SLC9A9: variants seen among roughly 807,000 people sequenced by gnomAD.
SLC9A9 encodes solute carrier family 9 member A9, also known as sodium/hydrogen exchanger 9.
Under a neutral mutation model 77.8 loss-of-function variants are expected in SLC9A9, and 62 were observed. The ratio of observed to expected loss-of-function variants is 0.80; its 90% CI spans 0.65 to 0.98. The LOEUF (loss-of-function observed/expected upper bound fraction) is 0.98. SLC9A9 is among the 50% of genes least tolerant of loss of function. SLC9A9 has a pLI of 0.00. For missense variants in SLC9A9, 775 were observed against 774.9 expected (o/e 1.00, Z 0.00); for synonymous variants, 320 against 283.5 (o/e 1.13, Z -1.29).
intron 4 of SLC9A9, among the ~76,000 whole-genome samples, chr3:143,710,166 A>T (rs1306967927): frequency 6.6e-6 from 1 of 152,216 alleles, no homozygotes; most frequent in Non-Finnish European, 1.5e-5. Context: ...GCATGTGTAT[A>T]AACACAAACA....
At chr3:143,412,494 G>A (rs760835639) in intron 12 of SLC9A9, among the ~76,000 whole-genome samples, 1 of 152,034 alleles carries the variant, frequency 6.6e-6, no homozygotes. Flanking sequence ...CTCCTTCTCC[G>A]GTGTTTGCCA....
chr3:143,516,403 A>G (rs902305886), intron 9 of SLC9A9, among the ~76,000 whole-genome samples: 1 of 151,080 alleles, frequency 6.6e-6, no homozygotes, highest in Non-Finnish European at 1.5e-5. Context: ...TTTGTTCTGT[A>G]TGTTCTTTTT....
rs978963851 is a variant in SLC9A9, at chr3:143,629,260, A to C, written c.755+22995T>G. ...GTCTGAGGTCCAAACTACTGACTCA[A>C]CAAGTACATACTGAGTATCTACTAG... On this transcript the variant is annotated intron_variant, in intron 6 of 15. Coordinates refer to ENST00000316549, the MANE Select transcript of SLC9A9 (RefSeq NM_173653.4). 7.9e-5 allele frequency among the ~76,000 whole-genome samples: 12 copies of C among 152,344 alleles called. No individual in the cohort carries two copies. In the South Asian group the frequency reaches 2.5e-3, roughly 32 times the overall value.
At chr3:143,364,489 T>C (rs2032841832) in intron 13 of SLC9A9, among the ~76,000 whole-genome samples, 1 of 152,184 alleles carries the variant, frequency 6.6e-6, no homozygotes, top group East Asian at 1.9e-4. Context: ...CTTCTGAGGA[T>C]GTAATGACCC....
intron 6 of SLC9A9, among the ~76,000 whole-genome samples, chr3:143,645,488 C>T (rs2038689934): frequency 6.6e-6 from 1 of 152,170 alleles, no homozygotes; most frequent in Admixed American, 6.5e-5. Context: ...CAACACTTGG[C>T]ATAATGTCTG....
At chr3:143,562,566 G>T (rs1160189783) in intron 8 of SLC9A9, among the ~76,000 whole-genome samples, 1 of 151,644 alleles carries the variant, frequency 6.6e-6, no homozygotes, top group Non-Finnish European at 1.5e-5. Context: ...ATGCTTAATT[G>T]TCAAACTATT....
At chr3:143,835,173 T>A (rs1417659432) in intron 1 of SLC9A9, among the ~76,000 whole-genome samples, 1 of 152,222 alleles carries the variant, frequency 6.6e-6, no homozygotes, top group East Asian at 1.9e-4. Flanking sequence ...CTGACAGCTG[T>A]CCTGGCATCC....
chr3:143,672,613 T>C (rs1040164969), intron 5 of SLC9A9, among the ~76,000 whole-genome samples: 11 of 152,194 alleles, frequency 7.2e-5, no homozygotes, highest in African/African-American at 2.7e-4. Flanking sequence ...TCTCCAAAAA[T>C]AACAGTCCTG....
intron 6 of SLC9A9, among the ~76,000 whole-genome samples, chr3:143,592,707 A>G (rs2037672373): frequency 6.6e-6 from 1 of 152,148 alleles, no homozygotes; most frequent in Non-Finnish European, 1.5e-5. Context: ...CTTTCTATTC[A>G]TGATGTAAAT....
intron 4 of SLC9A9, among the ~76,000 whole-genome samples, chr3:143,775,018 G>A (rs1024009694): frequency 6.6e-6 from 1 of 152,144 alleles, no homozygotes; most frequent in Non-Finnish European, 1.5e-5. Context: ...TCCCACTGCT[G>A]ATTTTTGTAA....
At chr3:143,789,918 C>A (rs2008166482) in intron 4 of SLC9A9, among the ~76,000 whole-genome samples, 1 of 152,108 alleles carries the variant, frequency 6.6e-6, no homozygotes, top group South Asian at 2.1e-4. Flanking sequence ...TCCATGTTTT[C>A]CTGAGTGAGT....
chr3:143,603,374 TA>T (rs756027735), intron 6 of SLC9A9, among the ~76,000 whole-genome samples: 1 of 152,206 alleles, frequency 6.6e-6, no homozygotes, highest in Non-Finnish European at 1.5e-5. Flanking sequence ...CACATTGCAC[TA>T]GGGTGGTCTG....
At chr3:143,785,827 T>C (rs2008032017) in intron 4 of SLC9A9, among the ~76,000 whole-genome samples, 1 of 149,188 alleles carries the variant, frequency 6.7e-6, no homozygotes. Context: ...GCTGAGTAAT[T>C]CTAAGACTTG....
chr3:143,762,325 G>A (rs936173568), intron 4 of SLC9A9, among the ~76,000 whole-genome samples: 2 of 152,046 alleles, frequency 1.3e-5, no homozygotes, highest in Non-Finnish European at 2.9e-5. Context: ...ATGTACCCTA[G>A]AACTTAAAGT....
chr3:143,808,735 T>C (rs918344585), intron 2 of SLC9A9, among the ~76,000 whole-genome samples: 5 of 152,186 alleles, frequency 3.3e-5, no homozygotes, highest in African/African-American at 1.2e-4. Flanking sequence ...CTATTTAACC[T>C]CTCTGTCCTT....
At chr3:143,715,042 G>A (rs1043186323) in intron 4 of SLC9A9, among the ~76,000 whole-genome samples, 1 of 152,164 alleles carries the variant, frequency 6.6e-6, no homozygotes, top group East Asian at 1.9e-4. Flanking sequence ...CGTGTAAGAC[G>A]TGACTTGTTC....
At chr3:143,291,118 G>A (rs1057488817) in intron 14 of SLC9A9, among the ~76,000 whole-genome samples, 5 of 152,184 alleles carry the variant, frequency 3.3e-5, no homozygotes, top group African/African-American at 1.2e-4. Flanking sequence ...TTAGGAACAG[G>A]GAGGATTCTG....
At chr3:143,835,676 T>G (rs1169857369) in intron 1 of SLC9A9, among the ~76,000 whole-genome samples, 2 of 152,130 alleles carry the variant, frequency 1.3e-5, no homozygotes, top group Non-Finnish European at 2.9e-5. Context: ...AGATACAAGA[T>G]TAAGAAAGCA....
intron 1 of SLC9A9, among the ~76,000 whole-genome samples, chr3:143,837,111 T>A (rs1480909522): frequency 2.6e-5 from 4 of 152,178 alleles, no homozygotes; most frequent in Non-Finnish European, 4.4e-5. Flanking sequence ...GATTTCAGAA[T>A]GTTTTTTAAA....
Sources: gnomAD v4.1 joint callset for allele counts (sites outside exome capture counted in the v4.1 genomes callset) on GRCh38, gnomAD v4.1.1 for gene constraint, MANE v1.5 for transcripts, NCBI Gene and HGNC (gene_info 2026-07-23, HGNC 2026-07-21) for gene names.